COBLL1: variants seen among roughly 807,000 people sequenced by gnomAD.
COBLL1 encodes the protein cordon-bleu protein-like 1.
A neutral mutation model predicts 94.8 loss-of-function variants in COBLL1; 50 were observed. That is an observed-to-expected ratio of 0.53 (90% confidence interval 0.42 to 0.67). The LOEUF (loss-of-function observed/expected upper bound fraction) is 0.67. Ranked by LOEUF, COBLL1 falls within the 30% of genes least tolerant of loss-of-function variation. COBLL1 has a pLI of 0.00. For missense variants in COBLL1, 1,362 were observed against 1,348.7 expected (o/e 1.01, Z -0.15); for synonymous variants, 448 against 473.8 (o/e 0.95, Z 0.71).
intron 2 of COBLL1, among the ~76,000 whole-genome samples, chr2:164,778,037 C>T (rs2105267542): frequency 6.6e-6 from 1 of 152,296 alleles, no homozygotes; most frequent in East Asian, 1.9e-4. Flanking sequence ...TGTTCCTATG[C>T]ATAATGGCCA....
chr2:164,755,226 T>G (rs1687338020), intron 2 of COBLL1, among the ~76,000 whole-genome samples: 1 of 152,152 alleles, frequency 6.6e-6, no homozygotes, highest in African/African-American at 2.4e-5. Flanking sequence ...CCCTCTAGCA[T>G]GTAGAGTATG....
At chr2:164,744,984 G>GGA (rs1268044853) in intron 2 of COBLL1, among the ~76,000 whole-genome samples, 3 of 152,096 alleles carry the variant, frequency 2.0e-5, no homozygotes. Flanking sequence ...GTGAATTAAA[G>GGA]TTTTTGAAAC....
At chr2:164,698,566 G>A (rs979120448) in intron 11 of COBLL1, among the ~76,000 whole-genome samples, 2 of 151,688 alleles carry the variant, frequency 1.3e-5, no homozygotes, top group Admixed American at 6.6e-5. Context: ...AAACACCATT[G>A]AGTATTTTTT....
At chr2:164,659,282 A>G (rs1028288466) in intron 2 of COBLL1, among the ~76,000 whole-genome samples, 1 of 152,174 alleles carries the variant, frequency 6.6e-6, no homozygotes, top group Admixed American at 6.5e-5. Context: ...CGCTTTTTGA[A>G]GTCCTTTTTC....
Position 164,692,445 on chromosome 2 carries a change from G to A in COBLL1, c.3124-48C>T, listed in dbSNP as rs986582015. 15 of 1,493,728 alleles carry A rather than the reference G, an allele frequency of 1.0e-5. No homozygotes were observed. In the African/African-American group the frequency reaches 1.6e-4, roughly 16 times the overall value. The allele number at this position is 1,493,728 out of a possible 1,614,324, so 92.5% of individuals were successfully genotyped here. ...TTTATATGAATGCCAAGAAAAGAATGGGCCATTTTTTGCAAAACATTTTCA... is the reference window on the plus strand; with the variant it reads ...TTTATATGAATGCCAAGAAAAGAATAGGCCATTTTTTGCAAAACATTTTCA... On this transcript the variant is annotated intron_variant, in intron 12 of 13. Transcript: ENST00000652658.
chr2:164,760,262 G>T (rs1296604863), intron 2 of COBLL1, among the ~76,000 whole-genome samples: 1 of 152,134 alleles, frequency 6.6e-6, no homozygotes, highest in Non-Finnish European at 1.5e-5. Context: ...GGATCTCAAG[G>T]GTACTAGGCT....
At position 164,775,131 on chromosome 2, in the gene COBLL1, C is replaced by T. The variant is rs997751205; in HGVS notation, c.42-31256G>A. The stretch of plus-strand genomic sequence containing the variant: ...AGACTGTGCCACTGTACTCCAGCCT[C>T]GGCAACAGGAAGAGACCCTGCCTCT... On this transcript the variant is annotated intron_variant, in intron 2 of 13. Transcript: ENST00000652658. Among the ~76,000 whole-genome samples the T allele has an allele frequency of 1.3e-4, 19 of 149,084 alleles. No individual in the cohort carries two copies. The East Asian group carries it at 3.2e-3, about 25-fold the overall frequency.
intron 2 of COBLL1, among the ~76,000 whole-genome samples, chr2:164,804,551 A>C (rs1039991456): frequency 3.9e-5 from 6 of 152,164 alleles, no homozygotes; most frequent in Non-Finnish European, 7.4e-5. Context: ...TTGGGGGCTC[A>C]ATTCTTATCA....
chr2:164,761,561 T>G (rs1050232735), intron 2 of COBLL1: 5 of 152,084 alleles, frequency 3.3e-5, no homozygotes, highest in Admixed American at 3.3e-4. Context: ...AACAAAGGTG[T>G]GTAGAGAAAA....
intron 2 of COBLL1, among the ~76,000 whole-genome samples, chr2:164,831,429 A>C (rs942121279): frequency 6.6e-6 from 1 of 151,588 alleles, no homozygotes; most frequent in African/African-American, 2.4e-5. Context: ...AATTTTACTT[A>C]AGTTATCTAG....
Position 164,729,947 on chromosome 2 carries a change from C to T in COBLL1, c.399G>A (p.Leu133=). ...TTATAGGTGTAGGTTTTTTCTTATC[C>T]AACATTTTTGGCTTTAAAATTACCT... ...VEKVILKPKM[L]DKKKPTPIIP... Residue 133 remains leucine, a synonymous_variant, in exon 4 of 14, where the codon TTG becomes TTA. Coordinates refer to ENST00000652658, the MANE Select transcript of COBLL1 (RefSeq NM_001365672.2). The T allele has an allele frequency of 3.1e-6, 5 of 1,613,638 alleles. No individual in the cohort carries two copies. Among genetic ancestry groups the T allele is most frequent in the Non-Finnish European group, 4.2e-6 (5 of 1,179,872 alleles).
At chr2:164,696,032 G>A (rs755559832) in intron 11 of COBLL1, 196 bp from the exon 12 acceptor site, 35 of 496,990 alleles carry the variant, frequency 7.0e-5, no homozygotes, top group Non-Finnish European at 1.2e-4. Flanking sequence ...CTGAAGTTTG[G>A]AATCCCTGGC....
intron 7 of COBLL1, 104 bp from the exon 8 acceptor site, chr2:164,705,209 A>G (rs1684522437): frequency 1.2e-6 from 1 of 812,546 alleles, no homozygotes. Context: ...TCCAAATGGA[A>G]CATAACAGTC....
At chr2:164,724,533 T>C (rs1004208533) in intron 5 of COBLL1, 2 of 152,150 alleles carry the variant, frequency 1.3e-5, no homozygotes, top group Non-Finnish European at 2.9e-5. Context: ...GTAGCAAATT[T>C]TTCTAAAAGG....
rs754961983 is a variant in COBLL1 at position 164,695,351 on chromosome 2, C to T, written c.2041G>A (p.Gly681Ser). Residue 681 changes from glycine (G) to serine (S), a missense_variant, in exon 12 of 14, where the codon GGT (glycine) becomes AGT (serine). By Grantham distance (56) the Gly-to-Ser change is moderately conservative. Coordinates refer to ENST00000652658, the MANE Select transcript of COBLL1 (RefSeq NM_001365672.2). ...ACAGGAGGCAAAAGATCATCATTAC[C>T]ATGTGCACAAATTGGATCTTTTACG... ...LTVKDPICAH[G>S]NDDLLPPVDR... is the part of the protein sequence containing the mutation. 6.2e-7 allele frequency: 1 copy of T among 1,613,912 alleles called. No homozygotes were observed. The highest frequency in any genetic ancestry group is 8.5e-7 in the Non-Finnish European group (1 of 1,179,930).
At chr2:164,803,978 C>T (rs761526576) in intron 2 of COBLL1, among the ~76,000 whole-genome samples, 4 of 151,872 alleles carry the variant, frequency 2.6e-5, no homozygotes, top group South Asian at 2.1e-4. Context: ...ATGAAGAGGG[C>T]GATGAAATTC....
intron 2 of COBLL1, among the ~76,000 whole-genome samples, chr2:164,796,670 A>G (rs1683472841): frequency 7.5e-6 from 1 of 132,602 alleles, no homozygotes; most frequent in Non-Finnish European, 1.5e-5. Flanking sequence ...ATAAAATTTA[A>G]TGGTGGGTGA....
At chr2:164,795,728 G>C (rs1431801175) in intron 2 of COBLL1, among the ~76,000 whole-genome samples, 2 of 152,162 alleles carry the variant, frequency 1.3e-5, no homozygotes, top group African/African-American at 2.4e-5. Context: ...TAGTCTTAGA[G>C]AAAGCCCTGA....
intron 2 of COBLL1, among the ~76,000 whole-genome samples, chr2:164,768,507 A>G (rs1359945781): frequency 6.6e-6 from 1 of 152,096 alleles, no homozygotes; most frequent in East Asian, 1.9e-4. Context: ...CACGAAAGCC[A>G]AAAGATTGGA....
Sources: allele counts gnomAD v4.1 joint callset (sites outside exome capture counted in the v4.1 genomes callset), GRCh38; gene constraint gnomAD v4.1.1; transcripts MANE v1.5; gene names NCBI Gene and HGNC (gene_info 2026-07-23, HGNC 2026-07-21).